Variants in SH3D19 observed in about 807,000 individuals in gnomAD.
SH3D19 encodes the protein SH3 domain-containing protein 19.
A neutral mutation model predicts 112.1 loss-of-function variants in SH3D19; 58 were observed. The ratio of observed to expected loss-of-function variants is 0.52; its 90% CI spans 0.42 to 0.64. The LOEUF is 0.64. Among genes scored for constraint, SH3D19 ranks in the 30% least tolerant of loss-of-function variants. The pLI, the probability that SH3D19 is intolerant of heterozygous loss-of-function variation, is 0.00. For missense variants in SH3D19, 1,090 were observed against 1,263.4 expected, an observed-to-expected ratio of 0.86 and a Z score of 2.08; for synonymous variants, 391 against 448.5, an observed-to-expected ratio of 0.87 and a Z score of 1.62.
chr4:151,197,118 C>T (rs1240369290), intron 2 of SH3D19, among the ~76,000 whole-genome samples: 1 of 152,056 alleles, frequency 6.6e-6, no homozygotes, highest in Non-Finnish European at 1.5e-5. Context: ...GTAGAACCAC[C>T]ATTTGATCCA....
chr4:151,186,318 T>G (rs1761764291), intron 3 of SH3D19, among the ~76,000 whole-genome samples: 1 of 152,246 alleles, frequency 6.6e-6, no homozygotes, highest in Non-Finnish European at 1.5e-5. Flanking sequence ...CTCTTAGCAC[T>G]TCTATCTTGA....
At chr4:151,225,296 G>T (rs1768808781) in intron 2 of SH3D19, among the ~76,000 whole-genome samples, 1 of 152,128 alleles carries the variant, frequency 6.6e-6, no homozygotes, top group Middle Eastern at 3.2e-3. Context: ...ATTAATATTA[G>T]AAAAATTATA....
chr4:151,137,702 A>T lies in SH3D19; in HGVS notation c.2427+30T>A, dbSNP rs1289187396. ...TCACATAGAACCCACTGAGTATATGACCAAATTAAAACAAACACAACCCAC... is the reference window on the plus strand; with the variant it reads ...TCACATAGAACCCACTGAGTATATGTCCAAATTAAAACAAACACAACCCAC... On this transcript the variant is annotated intron_variant, in intron 14 of 19. Transcript: ENST00000604030. 1.9e-6 allele frequency: 3 copies of T among 1,558,502 alleles called. No homozygotes were observed. The Admixed American group carries it at 5.9e-5, about 30-fold the overall frequency.
intron 1 of SH3D19, among the ~76,000 whole-genome samples, chr4:151,298,154 T>C (rs1333092571): frequency 1.3e-5 from 2 of 151,878 alleles, no homozygotes; most frequent in Admixed American, 6.6e-5. Context: ...TTTCAGACTT[T>C]AGACCTCCAG....
intron 7 of SH3D19, among the ~76,000 whole-genome samples, chr4:151,167,980 C>T (rs1223154319): frequency 6.6e-6 from 1 of 152,230 alleles, no homozygotes; most frequent in Non-Finnish European, 1.5e-5. Flanking sequence ...TCTGTCTTCC[C>T]CAAGTTTGCA....
intron 2 of SH3D19, 73 bp downstream of exon 2, chr4:151,225,974 T>C: frequency 1.9e-6 from 2 of 1,051,082 alleles, no homozygotes; most frequent in African/African-American, 1.6e-5. Context: ...AAGAGGACAC[T>C]TACATTGCTT....
chr4:151,198,313 AAAAAAT>A (rs1187401104), intron 2 of SH3D19, among the ~76,000 whole-genome samples: 3 of 118,758 alleles, frequency 2.5e-5, no homozygotes, highest in African/African-American at 8.2e-5. Flanking sequence ...TCAAAAAAAA[AAAAAAT>A]ATATATATAA....
At chr4:151,130,417 A>C (rs994869966) in intron 17 of SH3D19, among the ~76,000 whole-genome samples, 36 of 152,148 alleles carry the variant, frequency 2.4e-4, no homozygotes, top group African/African-American at 8.4e-4. Context: ...CCTGGGCATC[A>C]GAGTGAGATC....
chr4:151,321,436 C>G (rs1205599836), intron 1 of SH3D19, among the ~76,000 whole-genome samples: 1 of 151,958 alleles, frequency 6.6e-6, no homozygotes, highest in Non-Finnish European at 1.5e-5. Flanking sequence ...AATATGCAAT[C>G]AATAACAGAA....
At chr4:151,264,787 T>C (rs1196084849) in intron 1 of SH3D19, among the ~76,000 whole-genome samples, 2 of 152,152 alleles carry the variant, frequency 1.3e-5, no homozygotes, top group Non-Finnish European at 2.9e-5. Context: ...CTTATTTTCT[T>C]TTTTTCCTTT....
At chr4:151,274,671 TTGTCCTATGGCAGCTCCAGG>T in intron 1 of SH3D19, among the ~76,000 whole-genome samples, 1 of 152,334 alleles carries the variant, frequency 6.6e-6, no homozygotes, top group Middle Eastern at 3.4e-3. Context: ...GTCTTCAGGG[TTGTCCTATGGCAGCTCCAGG>T]TGTCCCTGTT....
At position 151,175,772 on chromosome 4, in the gene SH3D19, A is replaced by G. The variant is rs148809968; in HGVS notation, c.530-98T>C. 87 of 1,078,446 alleles carry G rather than the reference A, an allele frequency of 8.1e-5. No homozygotes were observed. In the African/African-American group the frequency reaches 1.1e-3, roughly 14 times the overall value. 66.8% of individuals were successfully genotyped at this position (1,078,446 alleles called of 1,614,324 possible). On this transcript the variant is annotated intron_variant, in intron 6 of 19. Coordinates refer to ENST00000604030, the MANE Select transcript of SH3D19 (RefSeq NM_001378122.1). ...AGAAGATACACAGATTTAAAACTAC[A>G]TACATGGAATATCAAGAGATTTTGG... is the stretch of plus-strand genomic sequence containing the variant.
At chr4:151,215,562 C>G (rs1262850855) in intron 2 of SH3D19, among the ~76,000 whole-genome samples, 1 of 152,190 alleles carries the variant, frequency 6.6e-6, no homozygotes, top group Non-Finnish European at 1.5e-5. Flanking sequence ...CAAAAGGAAG[C>G]AAGGTCACAA....
chr4:151,295,504 A>G (rs1775639751), intron 1 of SH3D19, among the ~76,000 whole-genome samples: 1 of 152,180 alleles, frequency 6.6e-6, no homozygotes, highest in African/African-American at 2.4e-5. Flanking sequence ...GTACAGCCCA[A>G]GTTTCTTACC....
intron 2 of SH3D19, among the ~76,000 whole-genome samples, chr4:151,189,548 G>A (rs1762313602): frequency 6.6e-6 from 1 of 152,130 alleles, no homozygotes; most frequent in South Asian, 2.1e-4. Context: ...ATGGGGGCAG[G>A]TTTTTCCTGT....
intron 2 of SH3D19, among the ~76,000 whole-genome samples, chr4:151,219,318 T>G (rs1561365952): frequency 6.6e-6 from 1 of 152,152 alleles, no homozygotes; most frequent in Non-Finnish European, 1.5e-5. Context: ...CCCCGATGTC[T>G]CCTCTCAGTA....
At chr4:151,138,465 A>G (rs560208502) in intron 13 of SH3D19, among the ~76,000 whole-genome samples, 1 of 152,124 alleles carries the variant, frequency 6.6e-6, no homozygotes, top group Admixed American at 6.6e-5. Context: ...TTAAGAAGCT[A>G]AGGTGGGAGG....
At chr4:151,258,020 C>T (rs1394857681) in intron 1 of SH3D19, among the ~76,000 whole-genome samples, 2 of 152,306 alleles carry the variant, frequency 1.3e-5, no homozygotes, top group East Asian at 3.9e-4. Flanking sequence ...GTCACAGTCC[C>T]TTGTTTAGTT....
chr4:151,216,262 C>A (rs74585465), intron 2 of SH3D19, among the ~76,000 whole-genome samples: 1 of 152,198 alleles, frequency 6.6e-6, no homozygotes, highest in South Asian at 2.1e-4. Context: ...TTAGCTAGTA[C>A]GCTTCTGTGG....
Sources: gnomAD v4.1 joint callset for allele counts (sites outside exome capture counted in the v4.1 genomes callset) on GRCh38, gnomAD v4.1.1 for gene constraint, MANE v1.5 for transcripts, NCBI Gene and HGNC (gene_info 2026-07-23, HGNC 2026-07-21) for gene names.